Variants in PPP1R12A observed in about 807,000 individuals in gnomAD.
PPP1R12A encodes the protein myosin binding subunit.
Under a neutral mutation model 139.6 loss-of-function variants are expected in PPP1R12A, and 19 were observed. The observed-to-expected ratio is 0.14, with a 90% CI of 0.09 to 0.20. The LOEUF (loss-of-function observed/expected upper bound fraction) is 0.20, where lower values mean the gene tolerates loss of function less well. Ranked by LOEUF, PPP1R12A falls within the 10% of genes least tolerant of loss-of-function variation. PPP1R12A has a pLI of 1.00. For missense variants in PPP1R12A, 925 were observed against 1,211.5 expected, an observed-to-expected ratio of 0.76 and a Z score of 3.51; for synonymous variants, 427 against 420.6, an observed-to-expected ratio of 1.02 and a Z score of -0.19.
chr12:79,878,947 A>G (rs1883371662), intron 1 of PPP1R12A, among the ~76,000 whole-genome samples: 2 of 152,260 alleles, frequency 1.3e-5, no homozygotes, highest in Non-Finnish European at 1.5e-5. Flanking sequence ...CTGAAGGTTA[A>G]AAATAATGGT....
intron 14 of PPP1R12A, among the ~76,000 whole-genome samples, 198 bp downstream of exon 14, chr12:79,805,394 G>T (rs1454439073): frequency 2.0e-5 from 3 of 152,130 alleles, no homozygotes; most frequent in Non-Finnish European, 4.4e-5. Context: ...CATTAATTCT[G>T]TCAGAGGTGA....
At chr12:79,853,668 T>C (rs1880307906) in intron 2 of PPP1R12A, among the ~76,000 whole-genome samples, 1 of 152,218 alleles carries the variant, frequency 6.6e-6, no homozygotes, top group Non-Finnish European at 1.5e-5. Context: ...TTTCTCTCAA[T>C]TTTTCCCTAG....
chr12:79,828,471 A>C lies in PPP1R12A; in HGVS notation c.648-7T>G, dbSNP rs369487433. The C allele has an allele frequency of 1.3e-6, 2 of 1,581,282 alleles. No homozygotes were observed. Among genetic ancestry groups the C allele is most frequent in the African/African-American group, 2.7e-5 (2 of 74,014 alleles). ...GCCTGCCTGTATTAAAAGTCTAAAG[A>C]AATTACAGTGAATTAGACAATCATT... is the stretch of plus-strand genomic sequence containing the variant. On this transcript the variant is annotated splice_region_variant and splice_polypyrimidine_tract_variant and intron_variant, in intron 4 of 24. Coordinates refer to ENST00000450142, the MANE Select transcript of PPP1R12A (RefSeq NM_002480.3).
At chr12:79,874,801 C>T (rs956990534) in intron 1 of PPP1R12A, among the ~76,000 whole-genome samples, 4 of 152,156 alleles carry the variant, frequency 2.6e-5, no homozygotes, top group Non-Finnish European at 5.9e-5. Context: ...AAACCCACTC[C>T]AAGGTACTCA....
intron 12 of PPP1R12A, 153 bp downstream of exon 12, chr12:79,807,073 T>C (rs1453560565): frequency 2.0e-6 from 1 of 505,078 alleles, no homozygotes; most frequent in Non-Finnish European, 3.4e-6. Flanking sequence ...TAAATATATA[T>C]CCTGTGTTTA....
intron 1 of PPP1R12A, among the ~76,000 whole-genome samples, chr12:79,933,583 T>C (rs183513087): frequency 1.2e-4 from 19 of 152,366 alleles, no homozygotes; most frequent in Non-Finnish European, 2.5e-4. Flanking sequence ...TCATTTTCTA[T>C]TACAGTTATT....
intron 18 of PPP1R12A, among the ~76,000 whole-genome samples, chr12:79,794,764 GAATA>G (rs34973617): frequency 0.63 from 95,472 of 151,558 alleles, 37,218 homozygotes; most frequent in Non-Finnish European, 0.88. Context: ...TTCAGTGAAA[GAATA>G]GTTAGAAATT....
At chr12:79,803,286 G>A (rs1873423516) in intron 14 of PPP1R12A, among the ~76,000 whole-genome samples, 1 of 152,000 alleles carries the variant, frequency 6.6e-6, no homozygotes, top group Admixed American at 6.6e-5. Context: ...CTAAGAATAC[G>A]ACATAGAGAA....
chr12:79,807,532 A>G (rs1328301864), intron 11 of PPP1R12A, among the ~76,000 whole-genome samples: 1 of 152,102 alleles, frequency 6.6e-6, no homozygotes, highest in Non-Finnish European at 1.5e-5. Flanking sequence ...AGTATGGGGG[A>G]AAATTCAGAT....
At chr12:79,835,015 T>G (rs1470197775) in intron 3 of PPP1R12A, among the ~76,000 whole-genome samples, 1 of 152,110 alleles carries the variant, frequency 6.6e-6, no homozygotes, top group Non-Finnish European at 1.5e-5. Flanking sequence ...GAAAGTGACA[T>G]GGGAGTCAGT....
At chr12:79,922,359 A>C (rs1273954876) in intron 1 of PPP1R12A, among the ~76,000 whole-genome samples, 4 of 152,244 alleles carry the variant, frequency 2.6e-5, no homozygotes, top group Admixed American at 2.6e-4. Context: ...ATGTGTCAAC[A>C]TGAGTACTTT....
At chr12:79,853,236 G>T (rs1380589531) in intron 2 of PPP1R12A, among the ~76,000 whole-genome samples, 3 of 152,172 alleles carry the variant, frequency 2.0e-5, no homozygotes, top group Non-Finnish European at 4.4e-5. Flanking sequence ...CCCTCTACTA[G>T]TATTTAAAAG....
chr12:79,877,871 G>C (rs1469414648), intron 1 of PPP1R12A, among the ~76,000 whole-genome samples: 1 of 151,714 alleles, frequency 6.6e-6, no homozygotes, highest in Non-Finnish European at 1.5e-5. Flanking sequence ...AATCCCATAG[G>C]CTCCAAAACT....
intron 9 of PPP1R12A, among the ~76,000 whole-genome samples, chr12:79,812,828 A>G (rs951323919): frequency 3.9e-5 from 6 of 152,160 alleles, no homozygotes; most frequent in African/African-American, 1.4e-4. Flanking sequence ...TCAATCTCCT[A>G]TGTTTCAAAC....
chr12:79,805,915 A>G (rs1026021634), intron 13 of PPP1R12A, 147 bp from the exon 14 acceptor site: 1 of 987,830 alleles, frequency 1.0e-6, no homozygotes, highest in Non-Finnish European at 1.4e-6. Flanking sequence ...TGAACCAAAA[A>G]GCTCACCCAG....
intron 1 of PPP1R12A, among the ~76,000 whole-genome samples, chr12:79,922,749 C>T (rs1887535195): frequency 1.3e-5 from 2 of 151,996 alleles, no homozygotes; most frequent in African/African-American, 2.4e-5. Flanking sequence ...GGGCTTAAAA[C>T]CTAGATATGA....
chr12:79,869,106 AC>A (rs1045936699), intron 2 of PPP1R12A, among the ~76,000 whole-genome samples: 6 of 152,200 alleles, frequency 3.9e-5, no homozygotes, highest in African/African-American at 1.4e-4. Context: ...TTTTTAGTTT[AC>A]CCTAGGACTT....
chr12:79,793,841 T>A lies in PPP1R12A; in HGVS notation c.2649+22A>T, dbSNP rs377101263. 5 of 1,522,796 alleles carry A rather than the reference T, an allele frequency of 3.3e-6. No homozygotes were observed. The African/African-American group carries it at 7.0e-5, about 21-fold the overall frequency. The allele number at this position is 1,522,796 out of a possible 1,614,324, so 94.3% of individuals were successfully genotyped here. ...ATTAAAAAATATGAATACTTCTCAA[T>A]ACAAAAAGTAATGGTATTTACCTGA... On this transcript the variant is annotated intron_variant, in intron 19 of 24. Transcript: ENST00000450142.
At chr12:79,845,917 T>C (rs1879327987) in intron 2 of PPP1R12A, among the ~76,000 whole-genome samples, 1 of 152,148 alleles carries the variant, frequency 6.6e-6, no homozygotes, top group Non-Finnish European at 1.5e-5. Context: ...TAATAATAAT[T>C]AGAAAGTCTC....
Sources: gnomAD v4.1 joint callset for allele counts (sites outside exome capture counted in the v4.1 genomes callset) on GRCh38, gnomAD v4.1.1 for gene constraint, MANE v1.5 for transcripts, NCBI Gene and HGNC (gene_info 2026-07-23, HGNC 2026-07-21) for gene names.